LRRC4C: variants seen among roughly 807,000 people sequenced by gnomAD.
The protein encoded by LRRC4C is leucine-rich repeat-containing protein 4C.
A neutral mutation model predicts 33.6 loss-of-function variants in LRRC4C; 5 were observed. The observed-to-expected ratio is 0.15, with a 90% CI of 0.08 to 0.31. The LOEUF (loss-of-function observed/expected upper bound fraction) is 0.31, where lower values mean the gene tolerates loss of function less well. Ranked by LOEUF, LRRC4C falls within the 10% of genes least tolerant of loss-of-function variation. LRRC4C has a pLI of 1.00. For synonymous variants in LRRC4C, 329 were observed against 302.0 expected (o/e 1.09, Z -0.93); for missense variants, 560 against 796.7 (o/e 0.70, Z 3.58).
intron 5 of LRRC4C, among the ~76,000 whole-genome samples, chr11:40,182,260 C>T (rs570644576): frequency 1.3e-5 from 2 of 152,134 alleles, no homozygotes; most frequent in South Asian, 4.2e-4. Flanking sequence ...TTACATCCAC[C>T]TTCCCTCACT....
At chr11:41,223,465 C>T (rs1321298402) in intron 1 of LRRC4C, among the ~76,000 whole-genome samples, 2 of 152,114 alleles carry the variant, frequency 1.3e-5, no homozygotes, top group African/African-American at 4.8e-5. Flanking sequence ...ATTCATTCAT[C>T]CATCAATACA....
At chr11:40,403,752 C>T (rs76375833) in intron 3 of LRRC4C, among the ~76,000 whole-genome samples, 5,829 of 152,014 alleles carry the variant, frequency 0.038, 362 homozygotes, top group African/African-American at 0.13. Flanking sequence ...AATTAGCATC[C>T]TAAATCTCAG....
chr11:41,242,998 C>A (rs1948313220), intron 1 of LRRC4C, among the ~76,000 whole-genome samples: 1 of 152,048 alleles, frequency 6.6e-6, no homozygotes, highest in African/African-American at 2.4e-5. Flanking sequence ...AAATTCTATC[C>A]CTGTTTTTGA....
At chr11:40,836,769 T>C (rs1422836369) in intron 2 of LRRC4C, among the ~76,000 whole-genome samples, 1 of 152,168 alleles carries the variant, frequency 6.6e-6, no homozygotes, top group Non-Finnish European at 1.5e-5. Context: ...AAAAATCACC[T>C]ATCTCATAGG....
At chr11:41,293,770 G>T (rs1178115944) in intron 1 of LRRC4C, among the ~76,000 whole-genome samples, 1 of 151,734 alleles carries the variant, frequency 6.6e-6, no homozygotes, top group African/African-American at 2.4e-5. Context: ...GCTAATTTTT[G>T]TATTTTTAAC....
chr11:40,231,734 T>G (rs1383556818), intron 5 of LRRC4C, among the ~76,000 whole-genome samples: 1 of 152,214 alleles, frequency 6.6e-6, no homozygotes, highest in Non-Finnish European at 1.5e-5. Context: ...CCCTATATAG[T>G]CTGGTTGTGT....
At chr11:40,570,470 C>G (rs572110144) in intron 3 of LRRC4C, among the ~76,000 whole-genome samples, 1 of 152,254 alleles carries the variant, frequency 6.6e-6, no homozygotes, top group Admixed American at 6.5e-5. Context: ...ACTATGAGGA[C>G]TGGCTGCTTT....
intron 2 of LRRC4C, among the ~76,000 whole-genome samples, chr11:40,822,571 A>T (rs1031525602): frequency 2.0e-5 from 3 of 151,614 alleles, no homozygotes; most frequent in South Asian, 2.1e-4. Context: ...TATTCCGGTT[A>T]TTAATTCCGT....
chr11:41,245,922 A>G (rs534112158), intron 1 of LRRC4C, among the ~76,000 whole-genome samples: 1 of 152,190 alleles, frequency 6.6e-6, no homozygotes, highest in East Asian at 2.0e-4. Context: ...AGGGATTTTT[A>G]TAGGCTTCAG....
At chr11:40,826,246 C>A (rs1009426105) in intron 2 of LRRC4C, among the ~76,000 whole-genome samples, 3 of 151,944 alleles carry the variant, frequency 2.0e-5, no homozygotes, top group African/African-American at 7.2e-5. Flanking sequence ...AATATGTAGT[C>A]AATGCATGTT....
intron 1 of LRRC4C, among the ~76,000 whole-genome samples, chr11:41,180,215 G>A (rs1358337352): frequency 6.6e-6 from 1 of 152,144 alleles, no homozygotes; most frequent in Non-Finnish European, 1.5e-5. Flanking sequence ...CAGAGGAAGA[G>A]AGCAGAAAAT....
At position 40,393,359 on chromosome 11, in the gene LRRC4C, C is replaced by T. The variant is rs183725545; in HGVS notation, c.-269-73638G>A. 4.5e-3 allele frequency among the ~76,000 whole-genome samples: 686 copies of T among 152,084 alleles called. 3 individuals are homozygous for T. The highest frequency in any genetic ancestry group is 8.6e-3 in the Admixed American group (131 of 15,268). On this transcript the variant is annotated intron_variant, in intron 3 of 6. Coordinates refer to ENST00000528697, the MANE Select transcript of LRRC4C (RefSeq NM_001258419.2). Reference sequence around the variant, plus strand: ...TCAACAATATTTTGCTTTAAAATATCCAGGTAATAAAAATAGACTTTCTTA... The same window carrying T: ...TCAACAATATTTTGCTTTAAAATATTCAGGTAATAAAAATAGACTTTCTTA...
chr11:41,390,206 T>A (rs907069341), intron 1 of LRRC4C, among the ~76,000 whole-genome samples: 2 of 151,906 alleles, frequency 1.3e-5, no homozygotes, highest in African/African-American at 4.8e-5. Context: ...CTCCTACATA[T>A]GCAAAGTGAG....
At chr11:40,617,121 G>T (rs1010146418) in intron 3 of LRRC4C, among the ~76,000 whole-genome samples, 10 of 151,774 alleles carry the variant, frequency 6.6e-5, no homozygotes, top group East Asian at 1.9e-4. Context: ...GTTTTCTACT[G>T]CAGAAGAGTT....
intron 3 of LRRC4C, among the ~76,000 whole-genome samples, chr11:40,591,060 G>T (rs1591206900): frequency 1.3e-5 from 2 of 152,262 alleles, no homozygotes; most frequent in African/African-American, 4.8e-5. Flanking sequence ...GGCAATGGTG[G>T]GCGCCCCTCC....
chr11:41,105,312 T>A (rs1941431051), intron 1 of LRRC4C, among the ~76,000 whole-genome samples: 1 of 151,996 alleles, frequency 6.6e-6, no homozygotes, highest in African/African-American at 2.4e-5. Flanking sequence ...CTAAGCATCA[T>A]CCCATCCAAA....
chr11:40,223,236 G>A (rs534681752), intron 5 of LRRC4C, among the ~76,000 whole-genome samples: 2 of 152,138 alleles, frequency 1.3e-5, no homozygotes, highest in East Asian at 3.9e-4. Flanking sequence ...CATGTAATCA[G>A]CAAAGCCACT....
At chr11:40,146,631 G>A (rs1389576335) in intron 5 of LRRC4C, among the ~76,000 whole-genome samples, 2 of 152,144 alleles carry the variant, frequency 1.3e-5, no homozygotes, top group East Asian at 1.9e-4. Flanking sequence ...TGTTCCTGAC[G>A]GAATGGCTTC....
intron 3 of LRRC4C, among the ~76,000 whole-genome samples, chr11:40,411,059 A>G (rs1242109876): frequency 6.6e-6 from 1 of 152,084 alleles, no homozygotes; most frequent in East Asian, 1.9e-4. Context: ...TGATTGACAA[A>G]CAGGACTGTA....
Sources: gnomAD v4.1 joint callset for allele counts (sites outside exome capture counted in the v4.1 genomes callset) on GRCh38, gnomAD v4.1.1 for gene constraint, MANE v1.5 for transcripts, NCBI Gene and HGNC (gene_info 2026-07-23, HGNC 2026-07-21) for gene names.